The following TTN variants were observed in gnomAD, a reference collection of about 807,000 sequenced individuals.
The protein encoded by TTN is titin, also known as connectin.
TTN carries 1,525 observed loss-of-function variants against 3,223.0 expected under a neutral mutation model. That is an observed-to-expected ratio of 0.47 (90% CI 0.45 to 0.49). TTN has a LOEUF of 0.49. Ranked by LOEUF, TTN falls within the 20% of genes least tolerant of loss-of-function variation. The probability of loss-of-function intolerance (pLI) is 0.00; values close to 1 mark genes in which losing one functional copy is unlikely to be tolerated. For synonymous variants in TTN, 14,094 were observed against 15,161.0 expected, an observed-to-expected ratio of 0.93 and a Z score of 5.17; for missense variants, 40,786 against 43,424.0, an observed-to-expected ratio of 0.94 and a Z score of 5.40.
rs988372305 is a variant in TTN, at chr2:178,543,122, C to T, written c.96851G>A (p.Gly32284Asp). Residue 32284 changes from glycine (G) to aspartate (D), a missense_variant, in exon 347 of 363, where the codon GGT becomes GAT. Coordinates refer to ENST00000589042, the MANE Select transcript of TTN (RefSeq NM_001267550.2). ...LFRIRAQNEK[G>D]VSEPRETVTA... ...GACAGTCTCTCTTGGTTCTGACACA[C>T]CTTTCTCATTTTGTGCCCTTATTCT... is the stretch of plus-strand genomic sequence containing the variant. 1 of 1,610,476 alleles carries T rather than the reference C, an allele frequency of 6.2e-7. No homozygotes were observed. Among genetic ancestry groups the T allele is most frequent in the African/African-American group, 1.3e-5 (1 of 74,656 alleles).
At chr2:178,716,603 G>A (rs982139677) in intron 88 of TTN, among the ~76,000 whole-genome samples, 5 of 152,100 alleles carry the variant, frequency 3.3e-5, no homozygotes, top group Non-Finnish European at 5.9e-5. Flanking sequence ...TTACTCCCCA[G>A]CCCCTGACCT....
Position 178,544,437 on chromosome 2 carries a change from G to T in TTN, c.95792C>A (p.Thr31931Asn). The T allele has an allele frequency of 2.5e-6, 4 of 1,613,672 alleles. No individual in the cohort carries two copies. The highest frequency in any genetic ancestry group is 2.5e-6 in the Non-Finnish European group (3 of 1,179,692). The change falls in exon 345 of 363, where the codon ACC becomes AAC. Residue 31931 changes from threonine (T) to asparagine (N), a missense_variant. Thr to Asn is a moderately conservative substitution (Grantham distance 65). Transcript: ENST00000589042. ...TTKHSISLAWTKPMYDGGTDI... is the reference protein window; with the variant it reads ...TTKHSISLAWNKPMYDGGTDI... Reference sequence around the variant, plus strand: ...AGTACCACCATCGTACATGGGTTTGGTCCATGCCAAACTAATGCTGTGTTT... The same window carrying T: ...AGTACCACCATCGTACATGGGTTTGTTCCATGCCAAACTAATGCTGTGTTT...
At chr2:178,777,638 T>A in intron 25 of TTN, 54 bp from the exon 26 acceptor site, 2 of 1,613,456 alleles carry the variant, frequency 1.2e-6, no homozygotes, top group East Asian at 2.2e-5. Context: ...TTAAAAATTG[T>A]TAGATGCATA....
chr2:178,752,293 C>T (rs1182584125), intron 47 of TTN, among the ~76,000 whole-genome samples: 1 of 151,966 alleles, frequency 6.6e-6, no homozygotes, highest in Non-Finnish European at 1.5e-5. Context: ...AGCAAAAATG[C>T]ATTTCAAAAT....
rs759426047 is a variant in TTN at position 178,621,388 on chromosome 2, A to G, written c.45350-20T>C. ...CCAGTTCTGGGAAGAAAAAGTTACA[A>G]GATATTAGAAACATATGTCTTTGTA... On this transcript the variant is annotated intron_variant, in intron 245 of 362. Transcript: ENST00000589042. The G allele has an allele frequency of 6.2e-7, 1 of 1,606,482 alleles. No homozygotes were observed. The highest frequency in any genetic ancestry group is 8.5e-7 in the Non-Finnish European group (1 of 1,177,794).
Position 178,540,369 on chromosome 2 carries a change from A to T in TTN, c.97797T>A (p.Ala32599=). The T allele has an allele frequency of 6.2e-7, 1 of 1,610,106 alleles. No homozygotes were observed. The highest frequency in any genetic ancestry group is 8.5e-7 in the Non-Finnish European group (1 of 1,177,710). Residue 32599 remains alanine (A), a splice_region_variant and synonymous_variant, in exon 351 of 363, where the codon GCT becomes GCA. Coordinates refer to ENST00000589042, the MANE Select transcript of TTN (RefSeq NM_001267550.2). ...SKPIVAMDPI[A]PPGKPQNPRV... is the part of the protein sequence containing the mutation. ...TTGGGTTTTGTGGCTTTCCTGGAGG[A>T]GCTGAGAATAAGAATAAGAATATAC...
In TTN at chr2:178,635,580, G is replaced by A. The variant is rs371426048; in HGVS notation, c.41744C>T (p.Ala13915Val). The A allele has an allele frequency of 3.8e-5, 60 of 1,593,506 alleles. 1 individual carries two copies. The highest frequency in any genetic ancestry group is 1.6e-4 in the Admixed American group (9 of 56,794). The change falls in exon 227 of 363, where the codon GCG becomes GTG. Residue 13915 changes from alanine to valine, a missense_variant. Coordinates refer to ENST00000589042, the MANE Select transcript of TTN (RefSeq NM_001267550.2). ...TATTTCAGTCTTATCATTTGGTTCC[G>A]CAGGGATTTCATCATATCCTTTGAA... is the stretch of plus-strand genomic sequence containing the variant. ...KWFKGYDEIPAEPNDKTEILR... is the reference protein window; with the variant it reads ...KWFKGYDEIPVEPNDKTEILR...
rs878870422 is a variant in TTN at position 178,771,415 on chromosome 2, C to G, written c.7912G>C (p.Val2638Leu). The change falls in exon 34 of 363, where the codon GTG becomes CTG. Residue 2638 changes from valine to leucine, a missense_variant. Physicochemically the swap from Val to Leu is conservative, Grantham distance 32. Transcript: ENST00000589042. ...GGGTTGGCAACTTCACATTCAAACACAGCTTCCTGGGATTCAGCTACGGTC... is the reference window on the plus strand; with the variant it reads ...GGGTTGGCAACTTCACATTCAAACAGAGCTTCCTGGGATTCAGCTACGGTC... ...DQTVAESQEAVFECEVANPDS... is the reference protein window; with the variant it reads ...DQTVAESQEALFECEVANPDS... The G allele has an allele frequency of 6.2e-7, 1 of 1,613,984 alleles. No homozygotes were observed. The highest frequency in any genetic ancestry group is 8.5e-7 in the Non-Finnish European group (1 of 1,179,880).
At position 178,560,187 on chromosome 2, in the gene TTN, C is replaced by G; in HGVS notation, c.85945G>C (p.Val28649Leu). 1.2e-6 allele frequency: 2 copies of G among 1,613,768 alleles called. No homozygotes were observed. Among genetic ancestry groups the G allele is most frequent in the Non-Finnish European group, 1.7e-6 (2 of 1,179,780 alleles). Residue 28649 changes from valine (V) to leucine (L), a missense_variant, in exon 326 of 363, where the codon GTG (valine) becomes CTG (leucine). Val to Leu is a conservative substitution (Grantham distance 32). Coordinates refer to ENST00000589042, the MANE Select transcript of TTN (RefSeq NM_001267550.2). The part of the protein sequence containing the change: ...TSPLIRAEDP[V>L]FLPSPPSKPK... ...TTGGATGGAGGAGATGGTAGGAACA[C>G]TGGATCTTCTGCCCTAATTAAGGGA...
In TTN at chr2:178,605,730, G is replaced by A. The variant is rs2054616225; in HGVS notation, c.53582-17C>T. 3 of 1,450,636 alleles carry A rather than the reference G, an allele frequency of 2.1e-6. No homozygotes were observed. Among genetic ancestry groups the A allele is most frequent in the Non-Finnish European group, 2.7e-6 (3 of 1,096,284 alleles). 89.9% of individuals were successfully genotyped at this position (1,450,636 alleles called of 1,614,324 possible). ...TTGGAGGACCTTTAGCCAGAGGCAA[G>A]TGAAAATGATTAGCATGAGATAAAT... On this transcript the variant is annotated splice_polypyrimidine_tract_variant and intron_variant, in intron 278 of 362. Coordinates refer to ENST00000589042, the MANE Select transcript of TTN (RefSeq NM_001267550.2).
intron 166 of TTN, 32 bp downstream of exon 166, chr2:178,664,820 G>A: frequency 2.5e-6 from 4 of 1,610,712 alleles, no homozygotes; most frequent in Non-Finnish European, 2.5e-6. Flanking sequence ...ACAAGAGCTA[G>A]TTCTTGACCC....
chr2:178,651,427 A>G (rs1047286055), intron 207 of TTN, 26 bp downstream of exon 207: 2 of 1,604,218 alleles, frequency 1.2e-6, no homozygotes, highest in African/African-American at 1.3e-5. Flanking sequence ...ATCCGCCCCC[A>G]TCAAACAGTG....
intron 40 of TTN, among the ~76,000 whole-genome samples, chr2:178,767,457 T>A (rs1192676233): frequency 6.6e-6 from 1 of 152,238 alleles, no homozygotes; most frequent in Non-Finnish European, 1.5e-5. Context: ...AACCTCACGA[T>A]TTACATTTTA....
intron 294 of TTN, among the ~76,000 whole-genome samples, chr2:178,597,087 T>C (rs940848027): frequency 1.3e-5 from 2 of 152,012 alleles, no homozygotes; most frequent in Admixed American, 6.6e-5. Context: ...TTAAGGAAAG[T>C]TGCAGATTGT....
At chr2:178,668,883 A>G (rs570940652) in intron 159 of TTN, among the ~76,000 whole-genome samples, 12 of 150,220 alleles carry the variant, frequency 8.0e-5, no homozygotes, top group Admixed American at 2.7e-4. Flanking sequence ...CCCCCCCCCA[A>G]AAAAAAAGGT....
At position 178,527,594 on chromosome 2, in the gene TTN, A is replaced by G; in HGVS notation, c.107532T>C (p.Thr35844=). 1 of 1,613,990 alleles carries G rather than the reference A, an allele frequency of 6.2e-7. No individual in the cohort carries two copies. Among genetic ancestry groups the G allele is most frequent in the Admixed American group, 1.7e-5 (1 of 60,020 alleles). ...SFSSSSASSM[T]EMKFASMSAQ... is the part of the protein sequence containing the mutation. ...CAGACATGCTTGCAAATTTCATCTC[A>G]GTCATGCTGCTAGCACTGCTGCTGC... Residue 35844 remains threonine (T), a synonymous_variant, in exon 362 of 363, where the codon ACT becomes ACC. Coordinates refer to ENST00000589042, the MANE Select transcript of TTN (RefSeq NM_001267550.2).
At position 178,681,735 on chromosome 2, in the gene TTN, G is replaced by A. The variant is rs941493198; in HGVS notation, c.33098C>T (p.Pro11033Leu). Residue 11033 changes from proline (P) to leucine (L), a missense_variant, in exon 136 of 363, where the codon CCA becomes CTA. Coordinates refer to ENST00000589042, the MANE Select transcript of TTN (RefSeq NM_001267550.2). ...AGGCTTTACAGGGATAGGCTTCTCT[G>A]GTTCTTTAAAAGTACATACAAGGTA... ...YEEHEEYITE[P>L]EKPIPVKPVP... 1.9e-6 allele frequency: 3 copies of A among 1,590,124 alleles called. No individual in the cohort carries two copies. Among genetic ancestry groups the A allele is most frequent in the South Asian group, 2.4e-5 (2 of 85,020 alleles).
intron 281 of TTN, 144 bp downstream of exon 281, chr2:178,604,564 G>A (rs1054121027): frequency 1.1e-6 from 1 of 940,066 alleles, no homozygotes; most frequent in Non-Finnish European, 1.5e-6. Flanking sequence ...TATGTGTGTG[G>A]GGCTAAACAC....
chr2:178,607,408 T>C lies in TTN; in HGVS notation c.53280A>G (p.Glu17760=). The C allele has an allele frequency of 2.5e-6, 4 of 1,613,104 alleles. No individual in the cohort carries two copies. Among genetic ancestry groups the C allele is most frequent in the Non-Finnish European group, 3.4e-6 (4 of 1,179,346 alleles). The part of the protein sequence containing the change: ...CGSKFAAARV[E]VFDVPGPVLD... ...CAGTGCAACATTCCTTACCAAAAAC[T>C]TCTACCCTGGCTGCTGCAAATTTGG... The change falls in exon 277 of 363, where the codon GAA becomes GAG. Residue 17760 remains glutamate, a synonymous_variant. Transcript: ENST00000589042.
Sources: allele counts gnomAD v4.1 joint callset (sites outside exome capture counted in the v4.1 genomes callset), GRCh38; gene constraint gnomAD v4.1.1; transcripts MANE v1.5; gene names NCBI Gene and HGNC (gene_info 2026-07-23, HGNC 2026-07-21).